ECHDC1: variants seen among roughly 807,000 people sequenced by gnomAD.
ECHDC1 encodes the protein ethylmalonyl-CoA decarboxylase.
In ECHDC1, 29 loss-of-function variants were observed where a neutral mutation model predicts 29.7. The ratio of observed to expected loss-of-function variants is 0.98; its 90% CI spans 0.73 to 1.33. The LOEUF (loss-of-function observed/expected upper bound fraction) is 1.33. Ranked by LOEUF, ECHDC1 falls within the 40% of genes most tolerant of loss-of-function variation. The pLI, the probability that ECHDC1 is intolerant of heterozygous loss-of-function variation, is 0.00. For synonymous variants in ECHDC1, 126 were observed against 123.1 expected (o/e 1.02, Z -0.15); for missense variants, 328 against 350.0 (o/e 0.94, Z 0.50).
At chr6:127,317,729 T>C (rs1173082368) in intron 3 of ECHDC1, among the ~76,000 whole-genome samples, 1 of 152,184 alleles carries the variant, frequency 6.6e-6, no homozygotes, top group Non-Finnish European at 1.5e-5. Context: ...CGTTTCACAA[T>C]TCTCCCACAC....
At chr6:127,298,937 G>A (rs1780834242) in intron 5 of ECHDC1, among the ~76,000 whole-genome samples, 1 of 151,256 alleles carries the variant, frequency 6.6e-6, no homozygotes, top group South Asian at 2.1e-4. Context: ...GTGCAGTGGT[G>A]CCATAATGGC....
chr6:127,341,072 C>A (rs1208004013), intron 1 of ECHDC1, among the ~76,000 whole-genome samples: 1 of 152,150 alleles, frequency 6.6e-6, no homozygotes, highest in East Asian at 1.9e-4. Context: ...CACTGAAATG[C>A]CAATTTTTCC....
chr6:127,326,833 G>C (rs866407853), intron 3 of ECHDC1, 169 bp downstream of exon 3: 1 of 635,452 alleles, frequency 1.6e-6, no homozygotes, highest in Non-Finnish European at 2.6e-6. Context: ...TCATTTGCTT[G>C]TTATATTGTT....
intron 1 of ECHDC1, 73 bp from the exon 2 acceptor site, chr6:127,331,103 G>A (rs1475009738): frequency 3.5e-6 from 4 of 1,158,538 alleles, no homozygotes; most frequent in Non-Finnish European, 5.0e-6. Context: ...TGTGTTAATA[G>A]GCTGTAGTAA....
At chr6:127,325,285 G>A (rs184150825) in intron 3 of ECHDC1, among the ~76,000 whole-genome samples, 53 of 152,282 alleles carry the variant, frequency 3.5e-4, no homozygotes, top group African/African-American at 1.2e-3. Flanking sequence ...AGGTAAGTCT[G>A]AGAAACTATC....
At chr6:127,311,723 G>GAAAA (rs1562316340) in intron 5 of ECHDC1, among the ~76,000 whole-genome samples, 7 of 56,488 alleles carry the variant, frequency 1.2e-4, no homozygotes, top group Admixed American at 3.2e-4. Context: ...AAGAAAGAAA[G>GAAAA]AAAGAAAACT....
chr6:127,292,514 T>C (rs1338826756), intron 5 of ECHDC1, among the ~76,000 whole-genome samples: 3 of 152,016 alleles, frequency 2.0e-5, no homozygotes, highest in African/African-American at 4.8e-5. Context: ...TGTACTGATA[T>C]ACATTAAATA....
In ECHDC1 at chr6:127,309,456, AAAAAC is replaced by A. The variant is rs1781702787; in HGVS notation, c.497+5355_497+5359del. ...AATCAAATCAAAATAAAGAAAAAGA[AAAAAC>A]CCAGAAAACAAACAACAAAACACAC... On this transcript the variant is annotated intron_variant, in intron 5 of 5. Coordinates refer to ENST00000454859, the MANE Select transcript of ECHDC1 (RefSeq NM_001002030.2). Among the ~76,000 whole-genome samples, 4 of 115,716 alleles carry A rather than the reference AAAAAC, an allele frequency of 3.5e-5. 1 individual carries two copies. The highest frequency in any genetic ancestry group is 5.2e-4 in the South Asian group (2 of 3,810). The allele number at this position is 115,716 out of a possible 152,430, so 75.9% of individuals were successfully genotyped here.
chr6:127,321,717 G>A (rs1038127989), intron 3 of ECHDC1, among the ~76,000 whole-genome samples: 4 of 151,986 alleles, frequency 2.6e-5, no homozygotes, highest in East Asian at 1.9e-4. Context: ...ATAGCTGGAC[G>A]TCGGGCCAGG....
chr6:127,330,297 A>T (rs1290881629), intron 2 of ECHDC1, among the ~76,000 whole-genome samples: 1 of 152,202 alleles, frequency 6.6e-6, no homozygotes, highest in African/African-American at 2.4e-5. Flanking sequence ...AGTATCTAAG[A>T]GTTAGGGAAG....
Position 127,320,027 on chromosome 6 carries a change from G to GT in ECHDC1, c.364-3526dup, listed in dbSNP as rs201061824. ...GAAGAGCTTAGAGAAAATTAAAATA[G>GT]TTTTTTTTTTGCTAGAGTATTGCTC... On this transcript the variant is annotated intron_variant, in intron 3 of 5. Coordinates refer to ENST00000454859, the MANE Select transcript of ECHDC1 (RefSeq NM_001002030.2). 8.2e-3 allele frequency among the ~76,000 whole-genome samples: 1,231 copies of GT among 149,764 alleles called. 22 individuals are homozygous for GT. Among genetic ancestry groups the GT allele is most frequent in the Admixed American group, 0.039 (581 of 14,982 alleles).
At chr6:127,333,534 G>C (rs941597388) in intron 1 of ECHDC1, among the ~76,000 whole-genome samples, 1 of 151,654 alleles carries the variant, frequency 6.6e-6, no homozygotes, top group Non-Finnish European at 1.5e-5. Flanking sequence ...GAAATTGTTG[G>C]GTTGGTGTGC....
intron 5 of ECHDC1, chr6:127,313,647 T>C (rs1217244984): frequency 2.2e-6 from 1 of 453,808 alleles, no homozygotes; most frequent in African/African-American, 2.0e-5. Flanking sequence ...GTATTTTTCT[T>C]AGCTAGGGTC....
rs1413545952 is a variant in ECHDC1, at chr6:127,289,763, A to ATAGTAGCCT, written c.*97_*105dup. 11 of 1,154,800 alleles carry ATAGTAGCCT rather than the reference A, an allele frequency of 9.5e-6. No homozygotes were observed. The highest frequency in any genetic ancestry group is 1.3e-5 in the Non-Finnish European group (11 of 831,544). The allele number at this position is 1,154,800 out of a possible 1,614,324, so 71.5% of individuals were successfully genotyped here. ...TGATTAAAAGTAAGTCTGCATATTA[A>ATAGTAGCCT]TAGTAGCCTTCAAAGTAATTCTGAT... On this transcript the variant is annotated 3_prime_UTR_variant, in exon 6 of 6. Transcript: ENST00000454859.
chr6:127,313,480 G>A, intron 5 of ECHDC1: 1 of 426,038 alleles, frequency 2.3e-6, no homozygotes, highest in Non-Finnish European at 4.8e-6. Flanking sequence ...TGGGATAACA[G>A]GCATGAGCCA....
chr6:127,342,672 G>A (rs572808696), intron 1 of ECHDC1: 17 of 346,822 alleles, frequency 4.9e-5, no homozygotes, highest in Admixed American at 3.6e-4. Context: ...GAGCCCAGAT[G>A]TGGAACAGAG....
intron 1 of ECHDC1, among the ~76,000 whole-genome samples, chr6:127,332,325 T>C (rs936755945): frequency 6.6e-6 from 1 of 152,238 alleles, no homozygotes; most frequent in African/African-American, 2.4e-5. Context: ...CTCATGGCTG[T>C]ATTCTATTTG....
intron 5 of ECHDC1, among the ~76,000 whole-genome samples, chr6:127,300,664 A>C (rs1780987769): frequency 6.6e-6 from 1 of 152,176 alleles, no homozygotes; most frequent in Non-Finnish European, 1.5e-5. Flanking sequence ...GGAAACAGGG[A>C]CTTCAGTCCT....
chr6:127,293,225 A>T (rs1312268037), intron 5 of ECHDC1, among the ~76,000 whole-genome samples: 1 of 152,312 alleles, frequency 6.6e-6, no homozygotes, highest in East Asian at 1.9e-4. Context: ...AACATTCTAA[A>T]AAGAAATTAC....
Sources: allele counts gnomAD v4.1 joint callset (sites outside exome capture counted in the v4.1 genomes callset), GRCh38; gene constraint gnomAD v4.1.1; transcripts MANE v1.5; gene names NCBI Gene and HGNC (gene_info 2026-07-23, HGNC 2026-07-21).